CYLD: variants seen among roughly 807,000 people sequenced by gnomAD.
CYLD encodes ubiquitin carboxyl-terminal hydrolase CYLD.
In CYLD, 26 loss-of-function variants were observed where a neutral mutation model predicts 104.5. The observed-to-expected ratio is 0.25, with a 90% CI of 0.18 to 0.35. The LOEUF is 0.35. CYLD is among the 10% of genes least tolerant of loss of function. CYLD has a pLI of 1.00. For synonymous variants in CYLD, 385 were observed against 399.9 expected (o/e 0.96, Z 0.45); for missense variants, 703 against 1,136.1 (o/e 0.62, Z 5.48).
At position 50,800,374 on chromosome 16, in the gene CYLD, G is replaced by A. The variant is rs770206028; in HGVS notation, c.*3866G>A. 4.3e-5 allele frequency: 10 copies of A among 233,132 alleles called. No homozygotes were observed. The highest frequency in any genetic ancestry group is 6.8e-5 in the Non-Finnish European group (8 of 117,996). 14.4% of individuals were successfully genotyped at this position (233,132 alleles called of 1,614,324 possible). A position where few individuals can be genotyped will look rare whatever the true frequency, so the allele number is the denominator to read the frequency against. ...TTTTGTGATTTTGTGGTCATGTAACGTTACTGTATTATTCTACGTAAATGT... is the reference window on the plus strand; with the variant it reads ...TTTTGTGATTTTGTGGTCATGTAACATTACTGTATTATTCTACGTAAATGT... On this transcript the variant is annotated 3_prime_UTR_variant, in exon 19 of 19. Coordinates refer to ENST00000427738, the MANE Select transcript of CYLD (RefSeq NM_001378743.1).
chr16:50,772,647 T>A (rs1969275443), intron 5 of CYLD, among the ~76,000 whole-genome samples: 1 of 152,238 alleles, frequency 6.6e-6, no homozygotes, highest in Non-Finnish European at 1.5e-5. Context: ...TAAACAGTGC[T>A]TCAGTGAATA....
At chr16:50,779,189 A>G (rs1375386226) in intron 8 of CYLD, among the ~76,000 whole-genome samples, 1 of 152,174 alleles carries the variant, frequency 6.6e-6, no homozygotes, top group African/African-American at 2.4e-5. Flanking sequence ...TTTTTCTGAA[A>G]TAAGCAATGA....
chr16:50,799,459 G>A lies in CYLD; in HGVS notation c.*2951G>A, dbSNP rs531064740. 37 of 233,702 alleles carry A rather than the reference G, an allele frequency of 1.6e-4. No homozygotes were observed. Among genetic ancestry groups the A allele is most frequent in the Middle Eastern group, 1.3e-3 (1 of 786 alleles). The allele number at this position is 233,702 out of a possible 1,614,324, so 14.5% of individuals were successfully genotyped here. A position where few individuals can be genotyped will look rare whatever the true frequency, so the allele number is the denominator to read the frequency against. ...ATGTTTTATAAGACTAGGAAAACAC[G>A]TTGAAAACTAGGATAAACAGCAACA... On this transcript the variant is annotated 3_prime_UTR_variant, in exon 19 of 19. Transcript: ENST00000427738.
In CYLD at chr16:50,751,616, G is replaced by A. The variant is rs965699210; in HGVS notation, c.517G>A (p.Gly173Ser). ...TCTTAAAAACTAGGAAGAAGGTCGTGGTCAAGGTTTCACTGACGGGGTGTA... is the reference window on the plus strand; with the variant it reads ...TCTTAAAAACTAGGAAGAAGGTCGTAGTCAAGGTTTCACTGACGGGGTGTA... ...FGVELLEEGR[G>S]QGFTDGVYQG... The change falls in exon 4 of 19, where the codon GGT becomes AGT. Residue 173 changes from glycine to serine, a missense_variant. Physicochemically the swap from Gly to Ser is moderately conservative, Grantham distance 56. Coordinates refer to ENST00000427738, the MANE Select transcript of CYLD (RefSeq NM_001378743.1). 2.5e-6 allele frequency: 4 copies of A among 1,613,398 alleles called. No individual in the cohort carries two copies. Among genetic ancestry groups the A allele is most frequent in the Non-Finnish European group, 3.4e-6 (4 of 1,179,538 alleles).
rs573938366 is a variant in CYLD, at chr16:50,798,870, T to A, written c.*2362T>A. The stretch of plus-strand genomic sequence containing the variant: ...TTAATGTTACTTGGGGAGGGAGTGC[T>A]CATTAAGGGATGCCAGGGCCAGCTC... On this transcript the variant is annotated 3_prime_UTR_variant, in exon 19 of 19. Coordinates refer to ENST00000427738, the MANE Select transcript of CYLD (RefSeq NM_001378743.1). 4.3e-6 allele frequency: 1 copy of A among 233,368 alleles called. No homozygotes were observed. The highest frequency in any genetic ancestry group is 1.8e-4 in the South Asian group (1 of 5,524). The allele number at this position is 233,368 out of a possible 1,614,324, so 14.5% of individuals were successfully genotyped here.
rs909997803 is a variant in CYLD, at chr16:50,798,442, ATTAT to A, written c.*1938_*1941del. ...ATTAGGTATTATAAGTAATCTAGAG[ATTAT>A]TTAATTAAAATATACAGGAGGATGT... is the stretch of plus-strand genomic sequence containing the variant. On this transcript the variant is annotated 3_prime_UTR_variant, in exon 19 of 19. Transcript: ENST00000427738. 5 of 232,354 alleles carry A rather than the reference ATTAT, an allele frequency of 2.2e-5. No individual in the cohort carries two copies. The highest frequency in any genetic ancestry group is 5.6e-5 in the Admixed American group (1 of 17,748). The allele number at this position is 232,354 out of a possible 1,614,324, so 14.4% of individuals were successfully genotyped here.
intron 11 of CYLD, chr16:50,783,723 G>C (rs892621387): frequency 6.5e-6 from 1 of 153,018 alleles, no homozygotes; most frequent in African/African-American, 2.4e-5. Context: ...ATTTTTAGTA[G>C]AGACGGGGTT....
At chr16:50,787,623 T>C (rs1970984008) in intron 13 of CYLD, 163 bp from the exon 14 acceptor site, 3 of 561,686 alleles carry the variant, frequency 5.3e-6, no homozygotes, top group Non-Finnish European at 9.6e-6. Flanking sequence ...ATGTCTTTTA[T>C]GTTTTTCCTT....
At chr16:50,765,852 A>T (rs201823482) in intron 5 of CYLD, among the ~76,000 whole-genome samples, 1 of 6,020 alleles carries the variant, frequency 1.7e-4, no homozygotes, top group Non-Finnish European at 3.2e-4. Flanking sequence ...TTCAATTCTG[A>T]AAGGCTGAGA....
rs1437640009 is a variant in CYLD at position 50,788,253 on chromosome 16, GCTTT to G, written c.2108+403_2108+406del. On this transcript the variant is annotated intron_variant, in intron 14 of 18. Transcript: ENST00000427738. ...ACTCAAAAAATTTAGTCTTAAATTA[GCTTT>G]CCTGTTTTTAGTTGTATAACTTTGT... Among the ~76,000 whole-genome samples the G allele has an allele frequency of 5.9e-5, 9 of 152,200 alleles. No individual in the cohort carries two copies. The East Asian group carries it at 1.7e-3, about 29-fold the overall frequency.
chr16:50,745,611 G>A (rs962972097), intron 2 of CYLD, among the ~76,000 whole-genome samples: 7 of 151,672 alleles, frequency 4.6e-5, no homozygotes, highest in Admixed American at 3.3e-4. Flanking sequence ...GCAGGAGTGC[G>A]GTAGTGCTAT....
At chr16:50,755,021 A>G (rs541909275) in intron 5 of CYLD, among the ~76,000 whole-genome samples, 9 of 106,722 alleles carry the variant, frequency 8.4e-5, no homozygotes, top group African/African-American at 3.0e-4. Context: ...ATATGTATAT[A>G]TACATATATA....
Position 50,798,179 on chromosome 16 carries a change from A to T in CYLD, c.*1671A>T, listed in dbSNP as rs1597102530. ...TATGTGTTGAATGAAGAAATGGGTG[A>T]ATGAGCTTGTCAATGTGATTTTAAA... On this transcript the variant is annotated 3_prime_UTR_variant, in exon 19 of 19. Coordinates refer to ENST00000427738, the MANE Select transcript of CYLD (RefSeq NM_001378743.1). 8.6e-6 allele frequency: 2 copies of T among 232,170 alleles called. No homozygotes were observed. The highest frequency in any genetic ancestry group is 1.7e-5 in the Non-Finnish European group (2 of 117,306). 14.4% of individuals were successfully genotyped at this position (232,170 alleles called of 1,614,324 possible).
At chr16:50,796,206 A>G in intron 18 of CYLD, 118 bp from the exon 19 acceptor site, 1 of 948,952 alleles carries the variant, frequency 1.1e-6, no homozygotes, top group East Asian at 2.5e-5. Context: ...AATCAGAAGT[A>G]AAATAAAGGC....
At chr16:50,754,937 G>GTATACATATATACACACATATGTA (rs1966862203) in intron 5 of CYLD, among the ~76,000 whole-genome samples, 1 of 142,566 alleles carries the variant, frequency 7.0e-6, no homozygotes, top group East Asian at 2.1e-4. Context: ...ACACACATAT[G>GTATACATATATACACACATATGTA]TATATATACA....
intron 5 of CYLD, among the ~76,000 whole-genome samples, chr16:50,758,581 C>T (rs530145120): frequency 3.9e-5 from 6 of 152,140 alleles, no homozygotes; most frequent in South Asian, 2.1e-4. Flanking sequence ...ACGTGAGAGA[C>T]GGTGGTGGCT....
Position 50,794,851 on chromosome 16 carries a change from C to A in CYLD, c.2686+423C>A. The A allele has an allele frequency of 3.7e-6, 1 of 272,826 alleles. No individual in the cohort carries two copies. The highest frequency in any genetic ancestry group is 3.9e-5 in the South Asian group (1 of 25,876). The allele number at this position is 272,826 out of a possible 1,614,324, so 16.9% of individuals were successfully genotyped here. On this transcript the variant is annotated intron_variant, in intron 18 of 18. Coordinates refer to ENST00000427738, the MANE Select transcript of CYLD (RefSeq NM_001378743.1). The surrounding 1 kb of genome is among the most constrained non-coding windows in gnomAD (Gnocchi z 4.1). ...GCCCAAGCTGGTCTCAAATTCCTGG[C>A]CTCAAGTGATTAACCCTCCTTTTCC...
chr16:50,742,725 T>G (rs1390118845), intron 1 of CYLD, 37 bp from the exon 2 acceptor site: 39 of 398,888 alleles, frequency 9.8e-5, no homozygotes, highest in Middle Eastern at 6.3e-4. Context: ...GTCGGGGTTC[T>G]GGCCTTGTTA....
Position 50,749,971 on chromosome 16 carries a change from G to A in CYLD, c.273G>A (p.Glu91=), listed in dbSNP as rs536645303. The A allele has an allele frequency of 2.3e-5, 37 of 1,614,132 alleles. No homozygotes were observed. In the South Asian group the frequency reaches 3.8e-4, roughly 17 times the overall value. Residue 91 remains glutamate, a synonymous_variant, in exon 3 of 19, where the codon GAG becomes GAA. Coordinates refer to ENST00000427738, the MANE Select transcript of CYLD (RefSeq NM_001378743.1). ...TTGTTGATGAAAAGGATGTTGTAGA[G>A]ATAAATGAAAAGTTCACAGAGTTAC... is the stretch of plus-strand genomic sequence containing the variant. ...VLFVDEKDVV[E]INEKFTELLL... is the part of the protein sequence containing the mutation.
Sources: allele counts gnomAD v4.1 joint callset (sites outside exome capture counted in the v4.1 genomes callset), GRCh38; gene constraint gnomAD v4.1.1; non-coding constraint Gnocchi (gnomAD v3.1); transcripts MANE v1.5; gene names NCBI Gene and HGNC (gene_info 2026-07-23, HGNC 2026-07-21).